ANKRD44: variants seen among roughly 807,000 people sequenced by gnomAD.
ANKRD44 encodes the protein serine/threonine-protein phosphatase 6 regulatory ankyrin repeat subunit B.
In ANKRD44, 35 loss-of-function variants were observed where a neutral mutation model predicts 116.0. That is an observed-to-expected ratio of 0.30 (90% CI 0.23 to 0.40). The LOEUF (loss-of-function observed/expected upper bound fraction) is 0.40. ANKRD44 is among the 10% of genes least tolerant of loss of function. The probability of loss-of-function intolerance (pLI) is 1.00; values close to 1 mark genes in which losing one functional copy is unlikely to be tolerated. For synonymous variants in ANKRD44, 435 were observed against 461.8 expected (o/e 0.94, Z 0.74); for missense variants, 1,014 against 1,242.6 (o/e 0.82, Z 2.77).
chr2:197,157,925 G>A (rs1348813686), intron 2 of ANKRD44, among the ~76,000 whole-genome samples: 1 of 152,172 alleles, frequency 6.6e-6, no homozygotes. Flanking sequence ...ATTCCCAAGT[G>A]ACAGAAGCCC....
At position 197,121,513 on chromosome 2, in the gene ANKRD44, G is replaced by A. The variant is rs769136788; in HGVS notation, c.725C>T (p.Ala242Val). Residue 242 changes from alanine to valine, a missense_variant, in exon 8 of 28, where the codon GCG becomes GTG. By Grantham distance (64) the Ala-to-Val change is moderately conservative (BLOSUM62 0). Coordinates refer to ENST00000282272, the MANE Select transcript of ANKRD44 (RefSeq NM_001195144.2). Reference sequence around the variant, plus strand: ...TCCATTGTAGCAGGCGATGTGAAGCGCTGTATTTCCATAGACATTGATTTC... The same window carrying A: ...TCCATTGTAGCAGGCGATGTGAAGCACTGTATTTCCATAGACATTGATTTC... ...IDEINVYGNT[A>V]LHIACYNGQD... The A allele has an allele frequency of 4.3e-5, 70 of 1,614,016 alleles. No homozygotes were observed. Among genetic ancestry groups the A allele is most frequent in the South Asian group, 1.3e-4 (12 of 91,086 alleles).
intron 1 of ANKRD44, among the ~76,000 whole-genome samples, chr2:197,206,148 G>C (rs930645704): frequency 3.2e-4 from 48 of 152,210 alleles, no homozygotes; most frequent in African/African-American, 1.1e-3. Context: ...CAGTCATTCA[G>C]CTAAGAGGGG....
chr2:197,020,033 C>T (rs888748790), intron 17 of ANKRD44, among the ~76,000 whole-genome samples: 3 of 152,070 alleles, frequency 2.0e-5, no homozygotes, highest in Admixed American at 6.6e-5. Context: ...CCAGGCTGGT[C>T]TCAAACTCCT....
intron 1 of ANKRD44, among the ~76,000 whole-genome samples, chr2:197,271,169 T>G (rs2082888317): frequency 6.6e-6 from 1 of 152,238 alleles, no homozygotes; most frequent in East Asian, 1.9e-4. Context: ...AACATAGCCT[T>G]AACAAAAGTT....
At chr2:197,094,802 T>C (rs935168242) in intron 10 of ANKRD44, among the ~76,000 whole-genome samples, 4 of 152,242 alleles carry the variant, frequency 2.6e-5, no homozygotes, top group Admixed American at 6.5e-5. Flanking sequence ...TATGCACCCT[T>C]AAGTGACAGC....
intron 1 of ANKRD44, among the ~76,000 whole-genome samples, chr2:197,284,811 G>T (rs111639207): frequency 1.3e-5 from 2 of 151,488 alleles, no homozygotes; most frequent in Admixed American, 6.6e-5. Flanking sequence ...GCCTTAACCC[G>T]GGAGGCAGAG....
intron 21 of ANKRD44, among the ~76,000 whole-genome samples, chr2:196,970,875 G>A (rs780220768): frequency 3.9e-5 from 6 of 151,926 alleles, no homozygotes; most frequent in Non-Finnish European, 8.8e-5. Context: ...CTAATTTTTT[G>A]TATTCTTTGT....
chr2:197,037,338 G>T (rs1203597113), intron 16 of ANKRD44, among the ~76,000 whole-genome samples: 1 of 152,150 alleles, frequency 6.6e-6, no homozygotes, highest in African/African-American at 2.4e-5. Flanking sequence ...GTAAGGGGTT[G>T]ATGTTTTTAT....
At chr2:197,087,989 C>T (rs1004628022) in intron 12 of ANKRD44, among the ~76,000 whole-genome samples, 2 of 152,126 alleles carry the variant, frequency 1.3e-5, no homozygotes, top group Admixed American at 6.5e-5. Flanking sequence ...TGGTAATATA[C>T]AAATGACAAA....
At chr2:197,118,655 G>GAAAGAAAA (rs2078777497) in intron 8 of ANKRD44, among the ~76,000 whole-genome samples, 1 of 150,756 alleles carries the variant, frequency 6.6e-6, no homozygotes, top group African/African-American at 2.4e-5. Context: ...AAGAAAGAAA[G>GAAAGAAAA]AAAGAAAGAA....
chr2:197,140,524 T>C (rs1416962436), intron 3 of ANKRD44, among the ~76,000 whole-genome samples: 1 of 151,988 alleles, frequency 6.6e-6, no homozygotes, highest in Non-Finnish European at 1.5e-5. Flanking sequence ...TCTTGCTATG[T>C]TTCTCACGCT....
At chr2:197,096,442 A>C (rs1015867114) in intron 10 of ANKRD44, among the ~76,000 whole-genome samples, 5 of 152,246 alleles carry the variant, frequency 3.3e-5, no homozygotes, top group African/African-American at 7.2e-5. Context: ...ACAAAATTAA[A>C]GAAGATAAAC....
intron 1 of ANKRD44, among the ~76,000 whole-genome samples, chr2:197,216,602 G>A (rs72926697): frequency 7.2e-5 from 11 of 152,250 alleles, no homozygotes; most frequent in Non-Finnish European, 1.0e-4. Flanking sequence ...TGGATTGTGG[G>A]AGGAGAGCAA....
At chr2:197,103,227 CA>C (rs59073157) in intron 9 of ANKRD44, among the ~76,000 whole-genome samples, 69,330 of 102,912 alleles carry the variant, frequency 0.67, 23,474 homozygotes, top group East Asian at 0.92. Context: ...GACTCCATCT[CA>C]AAAAAAAAAA....
intron 16 of ANKRD44, among the ~76,000 whole-genome samples, chr2:197,074,893 A>C (rs2077633200): frequency 6.6e-6 from 1 of 152,178 alleles, no homozygotes; most frequent in Non-Finnish European, 1.5e-5. Context: ...GTTTATTTGA[A>C]AGCAGCATAA....
chr2:197,150,093 A>G (rs2697256), intron 2 of ANKRD44, among the ~76,000 whole-genome samples: 150,946 of 152,252 alleles, frequency 0.99, 74,827 homozygotes, highest in East Asian at 1. Flanking sequence ...TTCCTATCAG[A>G]GGAGTCACAC....
rs71012942 is a variant in ANKRD44 at position 196,979,554 on chromosome 2, C to CTTTTTTTT, written c.2369-12116_2369-12109dup. ...CAGCCTGAGTAATTTAATAAGATGA[C>CTTTTTTTT]TTTTTTTTTTTTTTTTTTTTTTTTT... is the stretch of plus-strand genomic sequence containing the variant. On this transcript the variant is annotated intron_variant, in intron 21 of 21. Transcript: ENST00000424317. 1.1e-3 allele frequency among the ~76,000 whole-genome samples: 68 copies of CTTTTTTTT among 59,638 alleles called. 3 individuals carry two copies. Among genetic ancestry groups the CTTTTTTTT allele is most frequent in the African/African-American group, 1.3e-3 (21 of 15,666 alleles). 39.1% of individuals were successfully genotyped at this position (59,638 alleles called of 152,430 possible). A position where few individuals can be genotyped will look rare whatever the true frequency, so the allele number is the denominator to read the frequency against.
At chr2:197,044,030 C>T (rs1395422777) in intron 16 of ANKRD44, among the ~76,000 whole-genome samples, 1 of 152,106 alleles carries the variant, frequency 6.6e-6, no homozygotes, top group East Asian at 1.9e-4. Flanking sequence ...GAGTCCATAT[C>T]TTAAAATAAC....
At chr2:197,109,109 A>G (rs2125267986) in intron 9 of ANKRD44, among the ~76,000 whole-genome samples, 2 of 152,322 alleles carry the variant, frequency 1.3e-5, no homozygotes, top group South Asian at 4.1e-4. Context: ...TTTCCCTCCA[A>G]CCTTGTCTCT....
Sources: gnomAD v4.1 joint callset for allele counts (sites outside exome capture counted in the v4.1 genomes callset) on GRCh38, gnomAD v4.1.1 for gene constraint, MANE v1.5 for transcripts, NCBI Gene and HGNC (gene_info 2026-07-23, HGNC 2026-07-21) for gene names.